The following METTL9 variants were observed in gnomAD, a reference collection of about 807,000 sequenced individuals.
METTL9 encodes protein-L-histidine N-pros-methyltransferase.
In METTL9, 10 loss-of-function variants were observed where a neutral mutation model predicts 36.0. The observed-to-expected ratio is 0.28, with a 90% CI of 0.17 to 0.47. The LOEUF is 0.47. Among genes scored for constraint, METTL9 ranks in the 20% least tolerant of loss-of-function variants. The pLI, the probability that METTL9 is intolerant of heterozygous loss-of-function variation, is 0.99. For synonymous variants in METTL9, 175 were observed against 149.7 expected (o/e 1.17, Z -1.23); for missense variants, 246 against 383.5 (o/e 0.64, Z 3.00).
chr16:21,636,977 C>T lies in METTL9; in HGVS notation c.751+11862C>T, dbSNP rs56211305. On this transcript the variant is annotated intron_variant, in intron 4 of 4. Transcript: ENST00000358154. ...TGTCTGGAATTGGTGGGTTCTTGGT[C>T]TCGCTGACTTCAGGAGTGAAGCTGC... Among the ~76,000 whole-genome samples the T allele has an allele frequency of 7.9e-4, 121 of 152,266 alleles. 1 individual carries two copies. Among genetic ancestry groups the T allele is most frequent in the Non-Finnish European group, 1.5e-3 (103 of 68,022 alleles).
At chr16:21,625,321 G>A in intron 4 of METTL9, 1 of 561,712 alleles carries the variant, frequency 1.8e-6, no homozygotes, top group South Asian at 2.1e-5. Context: ...TCCCCTTGCA[G>A]TGGTAATAAT....
rs55734002 is a variant in METTL9, at chr16:21,609,406, G to A, written c.166-3239G>A. On this transcript the variant is annotated intron_variant, in intron 1 of 4. Coordinates refer to ENST00000358154, the MANE Select transcript of METTL9 (RefSeq NM_016025.5). Reference sequence around the variant, plus strand: ...CTGGGAAGATAGGCACTGAACATGCGATTGTCTACAATTATTCAATTCAGA... The same window carrying A: ...CTGGGAAGATAGGCACTGAACATGCAATTGTCTACAATTATTCAATTCAGA... 6.9e-3 allele frequency among the ~76,000 whole-genome samples: 1,055 copies of A among 152,198 alleles called. 10 individuals are homozygous for A. The highest frequency in any genetic ancestry group is 0.011 in the Admixed American group (168 of 15,294).
At chr16:21,623,414 T>C (rs1965750093) in intron 3 of METTL9, among the ~76,000 whole-genome samples, 1 of 152,224 alleles carries the variant, frequency 6.6e-6, no homozygotes, top group African/African-American at 2.4e-5. Flanking sequence ...TTCTGAGCTA[T>C]CTTACTGTAT....
intron 4 of METTL9, among the ~76,000 whole-genome samples, chr16:21,650,323 A>G (rs935165745): frequency 1.3e-5 from 2 of 152,074 alleles, no homozygotes; most frequent in Admixed American, 6.5e-5. Context: ...CCTGGCCAAC[A>G]TGGTAAAACC....
chr16:21,645,563 TA>T (rs1418474247), intron 4 of METTL9, among the ~76,000 whole-genome samples: 3 of 152,184 alleles, frequency 2.0e-5, no homozygotes, highest in African/African-American at 7.2e-5. Flanking sequence ...TCTATACAAC[TA>T]AAATAAAAAA....
intron 4 of METTL9, chr16:21,643,514 A>G (rs371571058): frequency 1.4e-6 from 2 of 1,384,690 alleles, no homozygotes; most frequent in Middle Eastern, 1.8e-4. Flanking sequence ...ACCAGCCACA[A>G]TTTAAAAAAT....
intron 3 of METTL9, among the ~76,000 whole-genome samples, chr16:21,624,109 T>C (rs1197911699): frequency 6.6e-6 from 1 of 152,166 alleles, no homozygotes; most frequent in African/African-American, 2.4e-5. Context: ...TTCTCAAGTA[T>C]GAAATATGTC....
At chr16:21,632,994 C>G (rs1283288216) in intron 4 of METTL9, among the ~76,000 whole-genome samples, 1 of 152,114 alleles carries the variant, frequency 6.6e-6, no homozygotes, top group African/African-American at 2.4e-5. Context: ...GCCTCTGGTT[C>G]CCCTTCTACT....
intron 3 of METTL9, among the ~76,000 whole-genome samples, chr16:21,621,772 C>A (rs1965701005): frequency 6.6e-6 from 1 of 152,078 alleles, no homozygotes; most frequent in Non-Finnish European, 1.5e-5. Context: ...AGACAGTTTT[C>A]TTTATATTGT....
At chr16:21,614,408 C>G (rs1407586091) in intron 2 of METTL9, among the ~76,000 whole-genome samples, 1 of 152,088 alleles carries the variant, frequency 6.6e-6, no homozygotes, top group Non-Finnish European at 1.5e-5. Context: ...TTTCCTCTAC[C>G]CATAAGACCC....
At chr16:21,627,761 A>C (rs1435197807) in intron 4 of METTL9, among the ~76,000 whole-genome samples, 1 of 152,130 alleles carries the variant, frequency 6.6e-6, no homozygotes, top group Non-Finnish European at 1.5e-5. Flanking sequence ...ATCCTGAGTT[A>C]ACACAGTGAA....
At chr16:21,621,149 A>AGT (rs112846012) in intron 3 of METTL9, among the ~76,000 whole-genome samples, 3,380 of 144,650 alleles carry the variant, frequency 0.023, 45 homozygotes, top group South Asian at 0.028. Flanking sequence ...TGAGAGAGAG[A>AGT]GTGTGTGTGT....
At chr16:21,617,632 G>T (rs1327926358) in intron 2 of METTL9, among the ~76,000 whole-genome samples, 1 of 151,846 alleles carries the variant, frequency 6.6e-6, no homozygotes, top group Non-Finnish European at 1.5e-5. Context: ...AGGAGGCTGG[G>T]ACAGGAGAAT....
At chr16:21,617,791 T>A (rs1965590849) in intron 2 of METTL9, 74 bp from the exon 3 acceptor site, 1 of 1,291,450 alleles carries the variant, frequency 7.7e-7, no homozygotes. Flanking sequence ...AGTCACTATA[T>A]TCACTTTGTG....
intron 1 of METTL9, among the ~76,000 whole-genome samples, chr16:21,600,139 C>G (rs1260673827): frequency 6.6e-6 from 1 of 152,096 alleles, no homozygotes; most frequent in African/African-American, 2.4e-5. Context: ...CATGGCCTCC[C>G]GGGCCCGATC....
upstream of METTL9, chr16:21,599,399 A>T: frequency 9.3e-7 from 1 of 1,080,028 alleles, no homozygotes; most frequent in South Asian, 3.6e-5. The surrounding 1 kb of genome is among the most constrained non-coding windows in gnomAD (Gnocchi z 4.4). Context: ...CTCCGGGCGG[A>T]TGCGCGCTCC....
chr16:21,648,356 A>G (rs1474354239), intron 4 of METTL9, among the ~76,000 whole-genome samples: 1 of 152,190 alleles, frequency 6.6e-6, no homozygotes, highest in Non-Finnish European at 1.5e-5. Flanking sequence ...GACCTCATGC[A>G]GTTAGTGTGA....
intron 1 of METTL9, among the ~76,000 whole-genome samples, chr16:21,607,100 A>C (rs1200952623): frequency 6.7e-6 from 1 of 149,204 alleles, no homozygotes; most frequent in Non-Finnish European, 1.5e-5. Context: ...TTTTTTTGAC[A>C]GTCTTGCTTT....
In METTL9 at chr16:21,656,766, C is replaced by G. The variant is rs373724517; in HGVS notation, c.*1334C>G. ...TCACTCCAACACCTGGGTATAAAGG[C>G]GAATTAAAACCTGAAGAATTACTTT... is the stretch of plus-strand genomic sequence containing the variant. On this transcript the variant is annotated 3_prime_UTR_variant, in exon 5 of 5. Transcript: ENST00000358154. 6.6e-6 allele frequency: 1 copy of G among 152,204 alleles called. No individual in the cohort carries two copies. Among genetic ancestry groups the G allele is most frequent in the East Asian group, 1.9e-4 (1 of 5,184 alleles). 9.4% of individuals were successfully genotyped at this position (152,204 alleles called of 1,614,324 possible).
Sources: gnomAD v4.1 joint callset for allele counts (sites outside exome capture counted in the v4.1 genomes callset) on GRCh38, gnomAD v4.1.1 for gene constraint, Gnocchi (gnomAD v3.1) non-coding constraint, MANE v1.5 for transcripts, NCBI Gene and HGNC (gene_info 2026-07-23, HGNC 2026-07-21) for gene names.